VTI1B: variants seen among roughly 807,000 people sequenced by gnomAD.
The protein encoded by VTI1B is vesicle transport through interaction with t-SNAREs 1B, also known as vesicle transport through interaction with t-SNAREs homolog 1B.
VTI1B carries 18 observed loss-of-function variants against 28.6 expected under a neutral mutation model. That is an observed-to-expected ratio of 0.63 (90% CI 0.43 to 0.93). The LOEUF (loss-of-function observed/expected upper bound fraction) is 0.93, where lower values mean the gene tolerates loss of function less well. VTI1B is among the 40% of genes least tolerant of loss of function. The pLI is 0.00. For synonymous variants in VTI1B, 100 were observed against 107.9 expected, an observed-to-expected ratio of 0.93 and a Z score of 0.46; for missense variants, 283 against 297.0, an observed-to-expected ratio of 0.95 and a Z score of 0.35.
At position 67,653,575 on chromosome 14, in the gene VTI1B, T is replaced by C. The variant is rs112057996; in HGVS notation, c.541-77A>G. On this transcript the variant is annotated intron_variant, in intron 4 of 5. Coordinates refer to ENST00000554659, the MANE Select transcript of VTI1B (RefSeq NM_006370.3). ...CAATTGAATATCCCTAGATTAACAG[T>C]AGGCATTAAGGGATATATGTTGAAA... 7 of 1,327,862 alleles carry C rather than the reference T, an allele frequency of 5.3e-6. No homozygotes were observed. The African/African-American group carries it at 5.8e-5, about 11-fold the overall frequency. The allele number at this position is 1,327,862 out of a possible 1,614,324, so 82.3% of individuals were successfully genotyped here.
intron 4 of VTI1B, 80 bp downstream of exon 4, chr14:67,656,336 T>A (rs1280432926): frequency 7.5e-7 from 1 of 1,335,338 alleles, no homozygotes; most frequent in Non-Finnish European, 9.9e-7. Flanking sequence ...GCTGTAGCTT[T>A]TGGCCTTAGT....
chr14:67,674,309 G>A (rs1594844019), intron 1 of VTI1B, 66 bp downstream of exon 1: 4 of 1,395,996 alleles, frequency 2.9e-6, no homozygotes, highest in Non-Finnish European at 3.8e-6. Flanking sequence ...GGAGGAAGGT[G>A]GGAGAATCTT....
chr14:67,671,718 G>A (rs10139064), intron 1 of VTI1B, among the ~76,000 whole-genome samples: 6,079 of 152,232 alleles, frequency 0.04, 354 homozygotes, highest in African/African-American at 0.13. Context: ...GAGTTCTGGA[G>A]GCTGGGAAGC....
chr14:67,662,990 T>G, intron 1 of VTI1B: 1 of 1,381,220 alleles, frequency 7.2e-7, no homozygotes, highest in Non-Finnish European at 9.3e-7. Context: ...CTATGTTAAC[T>G]CGTACACTAC....
chr14:67,649,742 G>A lies in VTI1B; in HGVS notation c.*1643C>T, dbSNP rs1437499639. ...GACATGATGGCATTCAGCACATCATGTACTATAGTGTAATATCAATAAACC... is the reference window on the plus strand; with the variant it reads ...GACATGATGGCATTCAGCACATCATATACTATAGTGTAATATCAATAAACC... On this transcript the variant is annotated 3_prime_UTR_variant, in exon 6 of 6. Coordinates refer to ENST00000554659, the MANE Select transcript of VTI1B (RefSeq NM_006370.3). 6.6e-6 allele frequency: 1 copy of A among 152,144 alleles called. No homozygotes were observed. Among genetic ancestry groups the A allele is most frequent in the African/African-American group, 2.4e-5 (1 of 41,432 alleles). The allele number at this position is 152,144 out of a possible 1,614,324, so 9.4% of individuals were successfully genotyped here. A position where few individuals can be genotyped will look rare whatever the true frequency, so the allele number is the denominator to read the frequency against.
chr14:67,650,679 G>A lies in VTI1B; in HGVS notation c.*706C>T. ...TGACCCTCACTGAGAGTAGCAGCAA[G>A]GGAACCTGAGGTTTTGTCACACTTT... On this transcript the variant is annotated 3_prime_UTR_variant, in exon 6 of 6. Transcript: ENST00000554659. 6.3e-7 allele frequency: 1 copy of A among 1,599,734 alleles called. No homozygotes were observed. The highest frequency in any genetic ancestry group is 1.7e-5 in the Admixed American group (1 of 59,982).
Position 67,651,361 on chromosome 14 carries a change from C to G in VTI1B, c.*24G>C, listed in dbSNP as rs1289296061. On this transcript the variant is annotated 3_prime_UTR_variant, in exon 6 of 6. Transcript: ENST00000554659. ...GCATTCACAAGGTCAAAGTTCTGGT[C>G]CACAAACCCTTCCCTATAGAAGTTC... 1 of 1,613,074 alleles carries G rather than the reference C, an allele frequency of 6.2e-7. No homozygotes were observed. The highest frequency in any genetic ancestry group is 1.3e-5 in the African/African-American group (1 of 74,906).
At chr14:67,662,418 T>A in intron 2 of VTI1B, 59 bp downstream of exon 2, 1 of 1,399,204 alleles carries the variant, frequency 7.1e-7, no homozygotes, top group Non-Finnish European at 1.0e-6. Flanking sequence ...GCTCATAGCA[T>A]TACTTCTGGA....
rs1207856470 is a variant in VTI1B at position 67,647,537 on chromosome 14, C to T, written c.*3848G>A. The T allele has an allele frequency of 6.4e-6, 1 of 155,984 alleles. No individual in the cohort carries two copies. Among genetic ancestry groups the T allele is most frequent in the Non-Finnish European group, 1.4e-5 (1 of 70,784 alleles). The allele number at this position is 155,984 out of a possible 1,614,324, so 9.7% of individuals were successfully genotyped here. A position where few individuals can be genotyped will look rare whatever the true frequency, so the allele number is the denominator to read the frequency against. ...TTAGTTGTTAGCTTCAGCCTTTGGA[C>T]ACTGGGGCTATAATGAAGTTAGAAA... On this transcript the variant is annotated 3_prime_UTR_variant, in exon 6 of 6. Transcript: ENST00000554659.
rs546822253 is a variant in VTI1B, at chr14:67,656,146, T to C, written c.540+270A>G. On this transcript the variant is annotated intron_variant, in intron 4 of 5. Coordinates refer to ENST00000554659, the MANE Select transcript of VTI1B (RefSeq NM_006370.3). ...CTGTAATCCCAGCTACTCAGGAGGC[T>C]GAGGCAAGAGAATCGCTTGAACCCA... is the stretch of plus-strand genomic sequence containing the variant. Among the ~76,000 whole-genome samples, 411 of 151,352 alleles carry C rather than the reference T, an allele frequency of 2.7e-3. 1 individual carries two copies. The highest frequency in any genetic ancestry group is 4.3e-3 in the Non-Finnish European group (289 of 67,932).
At chr14:67,672,424 T>A (rs1029939589) in intron 1 of VTI1B, among the ~76,000 whole-genome samples, 7 of 147,954 alleles carry the variant, frequency 4.7e-5, no homozygotes, top group Middle Eastern at 3.3e-3. Context: ...TGGCCTGCAG[T>A]CTACTTTTTT....
intron 1 of VTI1B, among the ~76,000 whole-genome samples, chr14:67,672,654 G>A (rs1026391193): frequency 1.3e-5 from 2 of 151,026 alleles, no homozygotes; most frequent in Non-Finnish European, 2.9e-5. Flanking sequence ...TATTGGCCAG[G>A]CTGGTCTTGA....
In VTI1B at chr14:67,656,423, T is replaced by G. The variant is rs2037258819; in HGVS notation, c.533A>C (p.Lys178Thr). Residue 178 changes from lysine (K) to threonine (T), a missense_variant, in exon 4 of 6, where the codon AAG (lysine) becomes ACG (threonine). Physicochemically the swap from Lys to Thr is moderately conservative, Grantham distance 78. Coordinates refer to ENST00000554659, the MANE Select transcript of VTI1B (RefSeq NM_006370.3). ...GEQRDQLERT[K>T]SRLVNTSENL... ...CTGTCTGCCCAGACTTACTCTACTC[T>G]TGGTACGTTCTAACTGGTCTCGTTG... 6.2e-7 allele frequency: 1 copy of G among 1,610,210 alleles called. No homozygotes were observed. The highest frequency in any genetic ancestry group is 1.3e-5 in the African/African-American group (1 of 74,838).
At chr14:67,666,536 G>A (rs909215150) in intron 1 of VTI1B, among the ~76,000 whole-genome samples, 1 of 152,194 alleles carries the variant, frequency 6.6e-6, no homozygotes, top group Non-Finnish European at 1.5e-5. Context: ...ATCATTTCTT[G>A]TGATGATAAA....
At chr14:67,654,218 C>T (rs1327880498) in intron 4 of VTI1B, among the ~76,000 whole-genome samples, 1 of 152,168 alleles carries the variant, frequency 6.6e-6, no homozygotes, top group Non-Finnish European at 1.5e-5. Flanking sequence ...GCAATAACCC[C>T]ACATGTCCCC....
chr14:67,673,290 G>A (rs1166042269), intron 1 of VTI1B, among the ~76,000 whole-genome samples: 2 of 152,074 alleles, frequency 1.3e-5, no homozygotes, highest in Non-Finnish European at 2.9e-5. Flanking sequence ...GTTGCAGTGA[G>A]CCGAGATCGT....
In VTI1B at chr14:67,650,410, C is replaced by T; in HGVS notation, c.*975G>A. On this transcript the variant is annotated 3_prime_UTR_variant, in exon 6 of 6. Coordinates refer to ENST00000554659, the MANE Select transcript of VTI1B (RefSeq NM_006370.3). ...ACAAGCAGGATGAAAACCTCCCCCA[C>T]CCAACACCAAGCCTTTTCCTTTTCC... The T allele has an allele frequency of 2.8e-6, 1 of 354,276 alleles. No homozygotes were observed. The highest frequency in any genetic ancestry group is 5.2e-6 in the Non-Finnish European group (1 of 192,090). 21.9% of individuals were successfully genotyped at this position (354,276 alleles called of 1,614,324 possible).
chr14:67,659,053 A>C (rs139050580), intron 3 of VTI1B, among the ~76,000 whole-genome samples: 162 of 152,326 alleles, frequency 1.1e-3, no homozygotes, highest in Non-Finnish European at 2.0e-3. Flanking sequence ...TTAATCTTTC[A>C]GACGTTTTAT....
rs751748830 is a variant in VTI1B, at chr14:67,674,441, T to A, written c.49A>T (p.Ile17Phe). The change falls in exon 1 of 6, where the codon ATC (isoleucine) becomes TTC (phenylalanine). Residue 17 changes from isoleucine (I) to phenylalanine (F), a missense_variant. Physicochemically the swap from Ile to Phe is conservative, Grantham distance 21. Coordinates refer to ENST00000554659, the MANE Select transcript of VTI1B (RefSeq NM_006370.3). Reference protein sequence around the residue: ...SSEHFEKLHEIFRGLHEDLQG... With the variant: ...SSEHFEKLHEFFRGLHEDLQG... ...AGGTCTTCATGGAGGCCGCGGAAGATCTCGTGCAGCTTCTCGAAATGCTCC... is the reference window on the plus strand; with the variant it reads ...AGGTCTTCATGGAGGCCGCGGAAGAACTCGTGCAGCTTCTCGAAATGCTCC... 1.6e-5 allele frequency: 26 copies of A among 1,609,406 alleles called. No individual in the cohort carries two copies. In the South Asian group the frequency reaches 2.8e-4, roughly 17 times the overall value.
Sources: gnomAD v4.1 joint callset for allele counts (sites outside exome capture counted in the v4.1 genomes callset) on GRCh38, gnomAD v4.1.1 for gene constraint, MANE v1.5 for transcripts, NCBI Gene and HGNC (gene_info 2026-07-23, HGNC 2026-07-21) for gene names.